CLSTN3: variants seen among roughly 807,000 people sequenced by gnomAD.
CLSTN3 encodes the protein calsyntenin-3.
CLSTN3 carries 36 observed loss-of-function variants against 95.9 expected under a neutral mutation model. The ratio of observed to expected loss-of-function variants is 0.38; its 90% CI spans 0.29 to 0.50. CLSTN3 has a LOEUF of 0.50. CLSTN3 is among the 20% of genes least tolerant of loss of function. The pLI, the probability that CLSTN3 is intolerant of heterozygous loss-of-function variation, is 0.95. For synonymous variants in CLSTN3, 481 were observed against 504.0 expected, an observed-to-expected ratio of 0.95 and a Z score of 0.61; for missense variants, 1,084 against 1,268.8, an observed-to-expected ratio of 0.85 and a Z score of 2.21.
rs1373934597 is a variant in CLSTN3 at position 7,158,726 on chromosome 12, C to G, written c.*645C>G. 1 of 152,126 alleles carries G rather than the reference C, an allele frequency of 6.6e-6. No individual in the cohort carries two copies. The highest frequency in any genetic ancestry group is 3.4e-3 in the Middle Eastern group (1 of 296). 9.4% of individuals were successfully genotyped at this position (152,126 alleles called of 1,614,324 possible). ...GCCAGGCTGCGGGGACGGGAGGGGACGTGGGGGCCCCGGGTGTACATATAT... is the reference window on the plus strand; with the variant it reads ...GCCAGGCTGCGGGGACGGGAGGGGAGGTGGGGGCCCCGGGTGTACATATAT... On this transcript the variant is annotated 3_prime_UTR_variant, in exon 18 of 18. Coordinates refer to ENST00000266546, the MANE Select transcript of CLSTN3 (RefSeq NM_014718.4).
intron 3 of CLSTN3, among the ~76,000 whole-genome samples, chr12:7,134,206 C>T (rs1029379730): frequency 6.6e-6 from 1 of 152,194 alleles, no homozygotes; most frequent in South Asian, 2.1e-4. Flanking sequence ...GATGAACACA[C>T]TCAGCATGCA....
chr12:7,147,740 C>T (rs939641612), intron 12 of CLSTN3, among the ~76,000 whole-genome samples: 3 of 152,034 alleles, frequency 2.0e-5, no homozygotes, highest in Non-Finnish European at 4.4e-5. Context: ...ATCTCGAACT[C>T]CTAAGCTCAA....
At chr12:7,130,171 G>T, upstream of CLSTN3, 1 of 198,940 alleles carries the variant, frequency 5.0e-6, no homozygotes, top group Non-Finnish European at 1.0e-5. Context: ...CCCCTCCGTG[G>T]CTCTCCAGCT....
In CLSTN3 at chr12:7,135,901, T is replaced by C. The variant is rs1221306323; in HGVS notation, c.690T>C (p.Asp230=). The C allele has an allele frequency of 6.2e-7, 1 of 1,614,102 alleles. No individual in the cohort carries two copies. The change falls in exon 5 of 18, where the codon GAT becomes GAC. Residue 230 remains aspartate (D), a synonymous_variant. Transcript: ENST00000266546. ...ACTGTGGGAAGAAGCGGGCAGCAGA[T>C]GATGCTGAGGTGGAGATTCAGGTGA... ...AYDCGKKRAA[D]DAEVEIQVKP... is the part of the protein sequence containing the mutation.
Position 7,150,896 on chromosome 12 carries a change from G to C in CLSTN3, c.2392-32G>C, listed in dbSNP as rs777615988. 6.4e-7 allele frequency: 1 copy of C among 1,558,928 alleles called. No homozygotes were observed. The highest frequency in any genetic ancestry group is 1.2e-5 in the South Asian group (1 of 83,356). On this transcript the variant is annotated intron_variant, in intron 15 of 17. Coordinates refer to ENST00000266546, the MANE Select transcript of CLSTN3 (RefSeq NM_014718.4). This position sits in a 1 kb window ranked among gnomAD's most constrained non-coding sequence, Gnocchi z 4.0. ...GAAGTGGGGAGGACCTGGGAGAAGC[G>C]TGTGTGCCCATGGAGCCCTCCCTCT...
intron 1 of CLSTN3, 118 bp downstream of exon 1, chr12:7,130,830 T>G: frequency 6.9e-6 from 6 of 872,266 alleles, no homozygotes; most frequent in Non-Finnish European, 1.1e-5. Flanking sequence ...GGCCCTCTTC[T>G]GATCACCCTC....
intron 3 of CLSTN3, among the ~76,000 whole-genome samples, chr12:7,134,088 A>G (rs1156773361): frequency 6.6e-6 from 1 of 152,220 alleles, no homozygotes; most frequent in East Asian, 1.9e-4. Context: ...GCTGCTGTGA[A>G]GATTCAAGGA....
intron 8 of CLSTN3, among the ~76,000 whole-genome samples, chr12:7,138,351 T>C (rs978602933): frequency 1.3e-4 from 20 of 152,070 alleles, no homozygotes; most frequent in Non-Finnish European, 2.4e-4. Flanking sequence ...ATTCTCTCTC[T>C]CTCTTATTTA....
intron 3 of CLSTN3, among the ~76,000 whole-genome samples, chr12:7,135,043 C>T (rs1013058085): frequency 1.3e-5 from 2 of 152,054 alleles, no homozygotes; most frequent in African/African-American, 2.4e-5. Context: ...CCTGCTTGCT[C>T]CTTTCTGGCA....
chr12:7,153,052 C>T (rs1041319541), intron 16 of CLSTN3, among the ~76,000 whole-genome samples: 1 of 151,962 alleles, frequency 6.6e-6, no homozygotes, highest in Non-Finnish European at 1.5e-5. Flanking sequence ...GTCTGGCTTC[C>T]TCTCCTTGTG....
intron 12 of CLSTN3, among the ~76,000 whole-genome samples, chr12:7,144,361 A>C (rs772732630): frequency 3.9e-5 from 6 of 152,162 alleles, no homozygotes; most frequent in African/African-American, 1.2e-4. Context: ...AAAAATACAG[A>C]TCAATTGAGA....
rs1413019695 is a variant in CLSTN3 at position 7,141,222 on chromosome 12, C to T, written c.1324-20C>T. Reference sequence around the variant, plus strand: ...AGACGAATTACCTGAGAGGCTCTTGCCCCTACCCTACTCTCCCAGGTCTGT... The same window carrying T: ...AGACGAATTACCTGAGAGGCTCTTGTCCCTACCCTACTCTCCCAGGTCTGT... On this transcript the variant is annotated intron_variant, in intron 8 of 17. Coordinates refer to ENST00000266546, the MANE Select transcript of CLSTN3 (RefSeq NM_014718.4). The surrounding 1 kb of genome is among the most constrained non-coding windows in gnomAD (Gnocchi z 4.1). 6.2e-7 allele frequency: 1 copy of T among 1,610,622 alleles called. No individual in the cohort carries two copies. The highest frequency in any genetic ancestry group is 8.5e-7 in the Non-Finnish European group (1 of 1,178,012).
intron 1 of CLSTN3, chr12:7,131,757 C>CCTAGCCTT: frequency 4.4e-6 from 2 of 456,250 alleles, no homozygotes; most frequent in Non-Finnish European, 8.8e-6. Context: ...CTCCTAGCCT[C>CCTAGCCTT]CTGCCACTTC....
Position 7,149,767 on chromosome 12 carries a change from A to G in CLSTN3, c.2245+74A>G, listed in dbSNP as rs936747133. 1.1e-5 allele frequency: 15 copies of G among 1,412,554 alleles called. No homozygotes were observed. Among genetic ancestry groups the G allele is most frequent in the Middle Eastern group, 1.9e-4 (1 of 5,348 alleles). 87.5% of individuals were successfully genotyped at this position (1,412,554 alleles called of 1,614,324 possible). ...AAAAGTAAGGGCCTAGGAAGCCCAG[A>G]GGGTCCTCCTTCCAGGTCCAGGGAT... On this transcript the variant is annotated intron_variant, in intron 14 of 17. Transcript: ENST00000266546. This position sits in a 1 kb window ranked among gnomAD's most constrained non-coding sequence, Gnocchi z 4.5.
chr12:7,156,417 G>C (rs1327773940), intron 16 of CLSTN3: 4 of 456,884 alleles, frequency 8.8e-6, no homozygotes, highest in South Asian at 6.2e-5. Context: ...CACGTCTGTA[G>C]TGTCTATGTC....
rs371825281 is a variant in CLSTN3, at chr12:7,137,337, C to G, written c.1210+227C>G. 24 of 546,714 alleles carry G rather than the reference C, an allele frequency of 4.4e-5. No individual in the cohort carries two copies. The highest frequency in any genetic ancestry group is 4.8e-4 in the Middle Eastern group (1 of 2,074). 33.9% of individuals were successfully genotyped at this position (546,714 alleles called of 1,614,324 possible). A position where few individuals can be genotyped will look rare whatever the true frequency, so the allele number is the denominator to read the frequency against. On this transcript the variant is annotated intron_variant, in intron 7 of 17. Coordinates refer to ENST00000266546, the MANE Select transcript of CLSTN3 (RefSeq NM_014718.4). This position sits in a 1 kb window ranked among gnomAD's most constrained non-coding sequence, Gnocchi z 4.4. ...GATTCCTTGCTGCTACTCTTGTTTT[C>G]AGTTGCCCAGTCAACTTCTCTGTGT...
intron 1 of CLSTN3, chr12:7,131,663 G>A: frequency 2.4e-6 from 1 of 412,074 alleles, no homozygotes. Flanking sequence ...AAGCAGGGTG[G>A]GAGGGGGAGC....
chr12:7,131,375 G>A, intron 1 of CLSTN3: 2 of 222,182 alleles, frequency 9.0e-6, no homozygotes, highest in Non-Finnish European at 9.1e-6. Context: ...AACGGATGGA[G>A]ACTGGCAGGA....
At position 7,151,012 on chromosome 12, in the gene CLSTN3, C is replaced by A; in HGVS notation, c.2476C>A (p.Pro826Thr). Reference protein sequence around the residue: ...SQQFLHRGHQPPPEMAGHSLA... With the variant: ...SQQFLHRGHQTPPEMAGHSLA... ...GCAGTTCCTGCACCGTGGTCACCAG[C>A]CCCCGCCTGAGATGGCTGGACACAG... The change falls in exon 16 of 18, where the codon CCC becomes ACC. Residue 826 changes from proline (P) to threonine (T), a missense_variant. By Grantham distance (38) the Pro-to-Thr change is conservative (BLOSUM62 -1). Coordinates refer to ENST00000266546, the MANE Select transcript of CLSTN3 (RefSeq NM_014718.4). 6.2e-7 allele frequency: 1 copy of A among 1,612,446 alleles called. No homozygotes were observed. The highest frequency in any genetic ancestry group is 1.1e-5 in the South Asian group (1 of 90,846).
Sources: gnomAD v4.1 joint callset for allele counts (sites outside exome capture counted in the v4.1 genomes callset) on GRCh38, gnomAD v4.1.1 for gene constraint, Gnocchi (gnomAD v3.1) non-coding constraint, MANE v1.5 for transcripts, NCBI Gene and HGNC (gene_info 2026-07-23, HGNC 2026-07-21) for gene names.